PHLPP1: variants seen among roughly 807,000 people sequenced by gnomAD.
PHLPP1 encodes PH domain leucine-rich repeat-containing protein phosphatase 1.
In PHLPP1, 42 loss-of-function variants were observed where a neutral mutation model predicts 117.2. The ratio of observed to expected loss-of-function variants is 0.36; its 90% CI spans 0.28 to 0.46. PHLPP1 has a LOEUF of 0.46. Ranked by LOEUF, PHLPP1 falls within the 20% of genes least tolerant of loss-of-function variation. PHLPP1 has a pLI of 1.00. For missense variants in PHLPP1, 2,084 were observed against 2,241.9 expected, an observed-to-expected ratio of 0.93 and a Z score of 1.42; for synonymous variants, 1,042 against 970.7, an observed-to-expected ratio of 1.07 and a Z score of -1.37.
intron 1 of PHLPP1, among the ~76,000 whole-genome samples, chr18:62,738,726 TTAA>T (rs1180250891): frequency 7.2e-5 from 11 of 152,038 alleles, no homozygotes; most frequent in South Asian, 2.1e-4. Flanking sequence ...AATGGAACAG[TTAA>T]TAACAATACT....
intron 1 of PHLPP1, among the ~76,000 whole-genome samples, chr18:62,755,840 A>G (rs998929340): frequency 1.3e-5 from 2 of 152,148 alleles, no homozygotes; most frequent in East Asian, 1.9e-4. Context: ...GGCAGTTTCT[A>G]TTGGGGGTTT....
chr18:62,777,361 C>T (rs1167197626), intron 1 of PHLPP1, among the ~76,000 whole-genome samples: 1 of 151,924 alleles, frequency 6.6e-6, no homozygotes, highest in African/African-American at 2.4e-5. Flanking sequence ...GAGTTTAGAT[C>T]TTTTGCCCAT....
intron 1 of PHLPP1, among the ~76,000 whole-genome samples, chr18:62,767,574 C>T (rs1164755251): frequency 2.6e-5 from 4 of 152,236 alleles, no homozygotes; most frequent in African/African-American, 9.6e-5. Context: ...TGGAGCATGA[C>T]TTGCCTGTGG....
intron 11 of PHLPP1, among the ~76,000 whole-genome samples, chr18:62,942,613 G>A (rs983893142): frequency 2.6e-5 from 4 of 152,024 alleles, no homozygotes; most frequent in African/African-American, 9.7e-5. Context: ...ATTATATCTA[G>A]CTTTGAGTGA....
Position 62,716,508 on chromosome 18 carries a change from G to A in PHLPP1, c.825G>A (p.Glu275=). ...PEAGPRLAPP[E]PRDSEVPPAR... ...CCGGCCCCCGGCTGGCGCCCCCGGA[G>A]CCGCGGGACTCGGAGGTACCGCCCG... Residue 275 remains glutamate (E), a synonymous_variant, in exon 1 of 17, where the codon GAG becomes GAA. Coordinates refer to ENST00000262719, the MANE Select transcript of PHLPP1 (RefSeq NM_194449.4). This position sits in a 1 kb window ranked among gnomAD's most constrained non-coding sequence, Gnocchi z 5.7. The A allele has an allele frequency of 8.3e-7, 1 of 1,200,388 alleles. No homozygotes were observed. Among genetic ancestry groups the A allele is most frequent in the South Asian group, 4.0e-5 (1 of 24,754 alleles). The allele number at this position is 1,200,388 out of a possible 1,614,324, so 74.4% of individuals were successfully genotyped here. A position where few individuals can be genotyped will look rare whatever the true frequency, so the allele number is the denominator to read the frequency against.
In PHLPP1 at chr18:62,839,236, A is replaced by T. The variant is rs1021361793; in HGVS notation, c.1899+327A>T. 4 of 201,706 alleles carry T rather than the reference A, an allele frequency of 2.0e-5. No homozygotes were observed. In the South Asian group the frequency reaches 4.2e-4, roughly 21 times the overall value. 12.5% of individuals were successfully genotyped at this position (201,706 alleles called of 1,614,324 possible). A position where few individuals can be genotyped will look rare whatever the true frequency, so the allele number is the denominator to read the frequency against. On this transcript the variant is annotated intron_variant, in intron 3 of 16. Transcript: ENST00000262719. ...CAGGCTAAGACAACTATAAAACCAC[A>T]AAATACCCAGAGAATTGTTACAAAT...
At position 62,813,628 on chromosome 18, in the gene PHLPP1, G is replaced by T. The variant is rs934336689; in HGVS notation, c.1577-16407G>T. Among the ~76,000 whole-genome samples the T allele has an allele frequency of 2.3e-4, 35 of 152,082 alleles. 1 individual carries two copies. The highest frequency in any genetic ancestry group is 1.5e-5 in the Non-Finnish European group (1 of 68,010). On this transcript the variant is annotated intron_variant, in intron 1 of 16. Coordinates refer to ENST00000262719, the MANE Select transcript of PHLPP1 (RefSeq NM_194449.4). ...GTAACATAATACTGTAACTTGGTGG[G>T]TCTCAAGTTGTGGTCCCCACACCTG... is the stretch of plus-strand genomic sequence containing the variant.
intron 3 of PHLPP1, among the ~76,000 whole-genome samples, chr18:62,851,855 T>A (rs1915359387): frequency 6.6e-6 from 1 of 152,106 alleles, no homozygotes; most frequent in Admixed American, 6.6e-5. Context: ...TTTTAAATGT[T>A]GTATAATTTG....
At chr18:62,766,341 A>T (rs1322975057) in intron 1 of PHLPP1, among the ~76,000 whole-genome samples, 2 of 151,308 alleles carry the variant, frequency 1.3e-5, no homozygotes, top group African/African-American at 4.9e-5. Flanking sequence ...ATTCACTGGG[A>T]TAATACTCCT....
intron 10 of PHLPP1, among the ~76,000 whole-genome samples, chr18:62,940,420 A>G (rs1185762636): frequency 8.4e-6 from 1 of 119,334 alleles, no homozygotes; most frequent in Non-Finnish European, 1.6e-5. Context: ...GCTGGAGTAC[A>G]GTGGTGCGAT....
At chr18:62,848,444 GT>G (rs1313137720) in intron 3 of PHLPP1, among the ~76,000 whole-genome samples, 2 of 137,654 alleles carry the variant, frequency 1.5e-5, no homozygotes, top group Admixed American at 7.3e-5. Context: ...TATGAGGTTG[GT>G]TTTTTGTTGA....
chr18:62,864,756 A>T (rs918506951), intron 4 of PHLPP1, among the ~76,000 whole-genome samples: 9 of 152,222 alleles, frequency 5.9e-5, no homozygotes, highest in Non-Finnish European at 1.3e-4. Flanking sequence ...GAATTAGAAT[A>T]CTGATCAGGA....
At chr18:62,748,953 T>C (rs1911760456) in intron 1 of PHLPP1, among the ~76,000 whole-genome samples, 1 of 152,198 alleles carries the variant, frequency 6.6e-6, no homozygotes, top group Non-Finnish European at 1.5e-5. Flanking sequence ...ATTATTTTAG[T>C]GGTTACCTTT....
At chr18:62,733,288 G>A (rs1410736136) in intron 1 of PHLPP1, among the ~76,000 whole-genome samples, 1 of 152,154 alleles carries the variant, frequency 6.6e-6, no homozygotes, top group Admixed American at 6.5e-5. Flanking sequence ...CCCTTCACCA[G>A]CAAAAAGATT....
At chr18:62,730,616 G>A (rs965589722) in intron 1 of PHLPP1, among the ~76,000 whole-genome samples, 1 of 152,142 alleles carries the variant, frequency 6.6e-6, no homozygotes, top group Admixed American at 6.6e-5. Context: ...GAGGTCAGGA[G>A]TTCGAGACCA....
chr18:62,881,580 T>C (rs1048837011), intron 4 of PHLPP1, among the ~76,000 whole-genome samples: 1 of 152,226 alleles, frequency 6.6e-6, no homozygotes, highest in Non-Finnish European at 1.5e-5. Flanking sequence ...GAGGCATTTA[T>C]GGTGACTAGG....
At chr18:62,785,590 GA>G (rs1344581937) in intron 1 of PHLPP1, among the ~76,000 whole-genome samples, 7 of 152,176 alleles carry the variant, frequency 4.6e-5, no homozygotes, top group South Asian at 2.1e-4. Flanking sequence ...ATTGTTTGTG[GA>G]AAAAAAGTTT....
intron 1 of PHLPP1, chr18:62,824,176 A>G (rs752034428): frequency 4.4e-6 from 2 of 455,804 alleles, no homozygotes; most frequent in South Asian, 3.1e-5. Flanking sequence ...AGCATCGGGA[A>G]CTCTCTGCAC....
chr18:62,866,394 G>A (rs532693280), intron 4 of PHLPP1, among the ~76,000 whole-genome samples: 14 of 151,784 alleles, frequency 9.2e-5, no homozygotes, highest in Non-Finnish European at 1.8e-4. Flanking sequence ...ACAGGCACCC[G>A]CCACCATGCC....
Sources: allele counts gnomAD v4.1 joint callset (sites outside exome capture counted in the v4.1 genomes callset), GRCh38; gene constraint gnomAD v4.1.1; non-coding constraint Gnocchi (gnomAD v3.1); transcripts MANE v1.5; gene names NCBI Gene and HGNC (gene_info 2026-07-23, HGNC 2026-07-21).